The following CEP97 variants were observed in gnomAD, a reference collection of about 807,000 sequenced individuals.
The protein encoded by CEP97 is centrosomal protein 97.
In CEP97, 43 loss-of-function variants were observed where a neutral mutation model predicts 73.1. That is an observed-to-expected ratio of 0.59 (90% confidence interval 0.46 to 0.76). The LOEUF is 0.76. CEP97 is among the 30% of genes least tolerant of loss of function. The pLI is 0.00. For synonymous variants in CEP97, 337 were observed against 370.0 expected (o/e 0.91, Z 1.02); for missense variants, 939 against 1,014.0 (o/e 0.93, Z 1.00).
At chr3:101,730,217 T>A (rs1938057499) in intron 4 of CEP97, among the ~76,000 whole-genome samples, 1 of 151,134 alleles carries the variant, frequency 6.6e-6, no homozygotes, top group African/African-American at 2.4e-5. Flanking sequence ...GCCACCGAAC[T>A]GGCCGAGTCT....
Position 101,764,989 on chromosome 3 carries a change from A to G in CEP97, c.2036A>G (p.Asn679Ser), listed in dbSNP as rs1939271977. ...AGCCAGGAGTCCTCTTGTGATCAAA[A>G]TGCTGATTGGTTTATTGCTTCTGAT... ...TQSQESSCDQ[N>S]ADWFIASDVA... Residue 679 changes from asparagine to serine, a missense_variant, in exon 11 of 11, where the codon AAT (asparagine) becomes AGT (serine). Physicochemically the swap from Asn to Ser is conservative, Grantham distance 46. Transcript: ENST00000341893. 6.2e-7 allele frequency: 1 copy of G among 1,614,214 alleles called. No homozygotes were observed. The highest frequency in any genetic ancestry group is 1.7e-4 in the Middle Eastern group (1 of 6,060).
chr3:101,755,406 C>CT, intron 6 of CEP97, 24 bp from the exon 7 acceptor site: 1 of 1,610,860 alleles, frequency 6.2e-7, no homozygotes, highest in Non-Finnish European at 8.5e-7. Flanking sequence ...GCCATCTCCT[C>CT]TTTTTTATGT....
intron 6 of CEP97, among the ~76,000 whole-genome samples, chr3:101,734,209 A>G (rs1938206226): frequency 6.6e-6 from 1 of 152,144 alleles, no homozygotes; most frequent in African/African-American, 2.4e-5. Flanking sequence ...TGTGGCTTGG[A>G]GCTGGGATCC....
At chr3:101,733,773 A>G (rs1044861845) in intron 6 of CEP97, among the ~76,000 whole-genome samples, 3 of 151,520 alleles carry the variant, frequency 2.0e-5, no homozygotes, top group Non-Finnish European at 4.4e-5. Context: ...CTCGTGATCC[A>G]CCCGCCTCGG....
At position 101,766,535 on chromosome 3, in the gene CEP97, CT is replaced by C. The variant is rs1165557394; in HGVS notation, c.*989del. 3.3e-5 allele frequency: 5 copies of C among 152,420 alleles called. No individual in the cohort carries two copies. Among genetic ancestry groups the C allele is most frequent in the Admixed American group, 6.5e-5 (1 of 15,272 alleles). 9.4% of individuals were successfully genotyped at this position (152,420 alleles called of 1,614,324 possible). On this transcript the variant is annotated 3_prime_UTR_variant, in exon 11 of 11. Transcript: ENST00000341893. ...AATACTACTGGTCGAATATGAATGA[CT>C]TTTTAGGAACTACTTTTTGTCTAAC... is the stretch of plus-strand genomic sequence containing the variant.
chr3:101,735,400 G>A (rs1938243895), intron 6 of CEP97, among the ~76,000 whole-genome samples: 1 of 152,150 alleles, frequency 6.6e-6, no homozygotes, highest in Non-Finnish European at 1.5e-5. Flanking sequence ...TGGGGGGGTG[G>A]CTGGCAAGAT....
rs1203836551 is a variant in CEP97, at chr3:101,726,725, C to G, written c.175C>G (p.Arg59Gly). ...ATTGGAAAATCTGGAGAAATGCAAACGATTAATACAGGTAGGTATTGCAAT... is the reference window on the plus strand; with the variant it reads ...ATTGGAAAATCTGGAGAAATGCAAAGGATTAATACAGGTAGGTATTGCAAT... ...IKLENLEKCK[R>G]LIQLSVANNR... Residue 59 changes from arginine to glycine, a missense_variant, in exon 2 of 11, where the codon CGA becomes GGA. By Grantham distance (125) the Arg-to-Gly change is moderately radical (BLOSUM62 -2). Coordinates refer to ENST00000341893, the MANE Select transcript of CEP97 (RefSeq NM_024548.4). 3.7e-6 allele frequency: 6 copies of G among 1,601,400 alleles called. No homozygotes were observed. The highest frequency in any genetic ancestry group is 5.1e-6 in the Non-Finnish European group (6 of 1,171,952).
intron 8 of CEP97, 25 bp downstream of exon 8, chr3:101,757,221 C>A (rs1939032482): frequency 3.2e-6 from 5 of 1,579,860 alleles, no homozygotes; most frequent in East Asian, 2.3e-5. Context: ...TATCTCTGAT[C>A]CCTTTTCTCC....
At chr3:101,759,999 G>A in intron 9 of CEP97, among the ~76,000 whole-genome samples, 1 of 113,506 alleles carries the variant, frequency 8.8e-6, no homozygotes, top group Non-Finnish European at 1.8e-5. Context: ...GAATAAATAA[G>A]GAGGGAAAAA....
At chr3:101,756,487 C>A (rs1939008763) in intron 7 of CEP97, among the ~76,000 whole-genome samples, 1 of 151,848 alleles carries the variant, frequency 6.6e-6, no homozygotes, top group African/African-American at 2.4e-5. Flanking sequence ...CTTCAGACCC[C>A]CTTCAGTCCG....
At position 101,765,633 on chromosome 3, in the gene CEP97, A is replaced by T; in HGVS notation, c.*82A>T. On this transcript the variant is annotated 3_prime_UTR_variant, in exon 11 of 11. Coordinates refer to ENST00000341893, the MANE Select transcript of CEP97 (RefSeq NM_024548.4). ...CCTTTGCTTTTTTTTGGAGGGAAATACTCCCTACCCCTAATTTTGTTACTA... is the reference window on the plus strand; with the variant it reads ...CCTTTGCTTTTTTTTGGAGGGAAATTCTCCCTACCCCTAATTTTGTTACTA... The T allele has an allele frequency of 9.3e-7, 1 of 1,070,674 alleles. No individual in the cohort carries two copies. Among genetic ancestry groups the T allele is most frequent in the Non-Finnish European group, 1.4e-6 (1 of 734,142 alleles). 66.3% of individuals were successfully genotyped at this position (1,070,674 alleles called of 1,614,324 possible).
At chr3:101,764,781 TCAAAAACAAACAAA>T in intron 10 of CEP97, 52 bp from the exon 11 acceptor site, 1 of 1,435,484 alleles carries the variant, frequency 7.0e-7, no homozygotes, top group Non-Finnish European at 9.4e-7. Flanking sequence ...AGACCCTGTC[TCAAAAACAAACAAA>T]CAAAAACAAC....
chr3:101,727,296 T>G, intron 2 of CEP97, 87 bp from the exon 3 acceptor site: 1 of 1,075,562 alleles, frequency 9.3e-7, no homozygotes, highest in Non-Finnish European at 1.4e-6. Context: ...AGTGTTTGGC[T>G]GTCTAAATAA....
At chr3:101,747,258 C>CT (rs35085560) in intron 6 of CEP97, among the ~76,000 whole-genome samples, 4,034 of 129,734 alleles carry the variant, frequency 0.031, 117 homozygotes, top group African/African-American at 0.064. Context: ...TTCAGAACTC[C>CT]TTTTTTTTTT....
At chr3:101,731,466 G>T (rs931265236) in intron 4 of CEP97, among the ~76,000 whole-genome samples, 69 of 152,080 alleles carry the variant, frequency 4.5e-4, no homozygotes, top group African/African-American at 1.6e-3. Context: ...CTCCCAAAAT[G>T]CTGGGATTAC....
At chr3:101,747,176 T>G (rs1938643561) in intron 6 of CEP97, among the ~76,000 whole-genome samples, 1 of 151,678 alleles carries the variant, frequency 6.6e-6, no homozygotes, top group South Asian at 2.1e-4. Flanking sequence ...ATCCCATTAC[T>G]GGGTATATAC....
chr3:101,759,491 A>G (rs1008118362), intron 9 of CEP97: 16 of 152,246 alleles, frequency 1.1e-4, no homozygotes, highest in Non-Finnish European at 1.6e-4. Context: ...ACCTCAGACC[A>G]CATAGAGGTC....
intron 1 of CEP97, 49 bp from the exon 2 acceptor site, chr3:101,726,545 A>G: frequency 6.9e-7 from 1 of 1,459,006 alleles, no homozygotes; most frequent in African/African-American, 1.4e-5. Context: ...TAGCTGTTGT[A>G]CATGTTTTAT....
chr3:101,752,263 C>A (rs939151615), intron 6 of CEP97, among the ~76,000 whole-genome samples: 1 of 152,106 alleles, frequency 6.6e-6, no homozygotes, highest in Non-Finnish European at 1.5e-5. Context: ...CCGAGAGATC[C>A]GCTGTTAGTC....
Sources: allele counts gnomAD v4.1 joint callset (sites outside exome capture counted in the v4.1 genomes callset), GRCh38; gene constraint gnomAD v4.1.1; transcripts MANE v1.5; gene names NCBI Gene and HGNC (gene_info 2026-07-23, HGNC 2026-07-21).